The following THSD4 variants were observed in gnomAD, a reference collection of about 807,000 sequenced individuals.
The protein encoded by THSD4 is thrombospondin type-1 domain-containing protein 4.
THSD4 carries 69 observed loss-of-function variants against 119.0 expected under a neutral mutation model. The observed-to-expected ratio is 0.58, with a 90% confidence interval of 0.48 to 0.71. The LOEUF (loss-of-function observed/expected upper bound fraction) is 0.71. Ranked by LOEUF, THSD4 falls within the 30% of genes least tolerant of loss-of-function variation. The probability of loss-of-function intolerance (pLI) is 0.00; values close to 1 mark genes in which losing one functional copy is unlikely to be tolerated. For missense variants in THSD4, 1,393 were observed against 1,391.1 expected, an observed-to-expected ratio of 1.00 and a Z score of -0.02; for synonymous variants, 524 against 540.4, an observed-to-expected ratio of 0.97 and a Z score of 0.42.
At chr15:71,648,706 G>A (rs1175854232) in intron 7 of THSD4, among the ~76,000 whole-genome samples, 5 of 152,152 alleles carry the variant, frequency 3.3e-5, no homozygotes, top group Admixed American at 3.3e-4. Context: ...GGTTTTGGTG[G>A]ACAGTGCAAA....
chr15:71,435,737 C>T (rs1484604075), intron 7 of THSD4, among the ~76,000 whole-genome samples: 2 of 152,110 alleles, frequency 1.3e-5, no homozygotes, highest in East Asian at 1.9e-4. Context: ...CACATGGACA[C>T]GTGGCCACAT....
At chr15:71,597,798 C>T (rs2049932825) in intron 7 of THSD4, among the ~76,000 whole-genome samples, 1 of 152,216 alleles carries the variant, frequency 6.6e-6, no homozygotes, top group South Asian at 2.1e-4. Flanking sequence ...CCTTCTCGTC[C>T]CCAGGCGTGG....
intron 6 of THSD4, among the ~76,000 whole-genome samples, chr15:71,343,664 C>A (rs2045612235): frequency 6.6e-6 from 1 of 151,630 alleles, no homozygotes; most frequent in Non-Finnish European, 1.5e-5. Flanking sequence ...TATAAGGACA[C>A]CTGTCACTGG....
intron 1 of THSD4, among the ~76,000 whole-genome samples, chr15:71,122,756 A>G (rs667044): frequency 0.12 from 17,518 of 152,146 alleles, 1,911 homozygotes; most frequent in African/African-American, 0.29. Flanking sequence ...CCCACCCTCT[A>G]TCAGGGATCT....
chr15:71,527,774 A>T (rs987644594), intron 7 of THSD4, among the ~76,000 whole-genome samples: 1 of 127,372 alleles, frequency 7.9e-6, no homozygotes, highest in Admixed American at 1.0e-4. Flanking sequence ...GTGCAGTGGC[A>T]CAATCATGGC....
intron 7 of THSD4, among the ~76,000 whole-genome samples, chr15:71,552,721 A>G (rs1016270843): frequency 2.6e-5 from 4 of 152,222 alleles, no homozygotes; most frequent in Non-Finnish European, 5.9e-5. Flanking sequence ...ATCTCAGCTC[A>G]CTGAAACCTC....
chr15:71,667,540 G>T (rs1291761495), intron 8 of THSD4, among the ~76,000 whole-genome samples: 2 of 152,134 alleles, frequency 1.3e-5, no homozygotes, highest in Admixed American at 6.6e-5. Flanking sequence ...AAATAAACTG[G>T]CAGTATTCTT....
At chr15:71,591,515 C>T (rs2049804751) in intron 7 of THSD4, among the ~76,000 whole-genome samples, 1 of 152,226 alleles carries the variant, frequency 6.6e-6, no homozygotes, top group African/African-American at 2.4e-5. Context: ...AGCAGATCAT[C>T]CCCTGGGCTT....
At chr15:71,676,392 C>T (rs1481397870) in intron 8 of THSD4, among the ~76,000 whole-genome samples, 1 of 152,138 alleles carries the variant, frequency 6.6e-6, no homozygotes, top group Non-Finnish European at 1.5e-5. Flanking sequence ...AGCGATTCTC[C>T]TGCCTCAGCC....
At chr15:71,636,401 CAACAGAG>C (rs2050740753) in intron 7 of THSD4, among the ~76,000 whole-genome samples, 1 of 151,910 alleles carries the variant, frequency 6.6e-6, no homozygotes, top group Non-Finnish European at 1.5e-5. Context: ...CCAGCCTGGG[CAACAGAG>C]CCAGACTCTG....
At chr15:71,144,377 T>A in intron 2 of THSD4, among the ~76,000 whole-genome samples, 1 of 152,202 alleles carries the variant, frequency 6.6e-6, no homozygotes, top group African/African-American at 2.4e-5. Context: ...TGTGGGTTAC[T>A]TGAAGCGTGA....
chr15:71,270,213 A>G (rs1163390919), intron 6 of THSD4, among the ~76,000 whole-genome samples: 2 of 152,230 alleles, frequency 1.3e-5, no homozygotes, highest in Non-Finnish European at 2.9e-5. Context: ...CTACAAGGCT[A>G]CAGTAACCAA....
chr15:71,379,896 C>G (rs2046205784), intron 6 of THSD4, among the ~76,000 whole-genome samples: 1 of 151,818 alleles, frequency 6.6e-6, no homozygotes, highest in Non-Finnish European at 1.5e-5. Flanking sequence ...CCCTTGGAAC[C>G]AGAACAGGTT....
intron 4 of THSD4, among the ~76,000 whole-genome samples, chr15:71,235,008 T>A (rs2044092402): frequency 6.6e-6 from 1 of 152,252 alleles, no homozygotes; most frequent in African/African-American, 2.4e-5. Context: ...CCACCTAGTG[T>A]TGTTTTAATG....
chr15:71,408,327 G>A (rs921309534), intron 6 of THSD4, among the ~76,000 whole-genome samples: 1 of 152,024 alleles, frequency 6.6e-6, no homozygotes, highest in African/African-American at 2.4e-5. Flanking sequence ...CAAACTCCTG[G>A]GCTCAAAGGA....
chr15:71,400,826 C>CA (rs907238846), intron 6 of THSD4, among the ~76,000 whole-genome samples: 3 of 141,726 alleles, frequency 2.1e-5, no homozygotes, highest in Non-Finnish European at 4.6e-5. Context: ...GTATATTCCA[C>CA]AAAAAAAGAA....
At chr15:71,411,624 C>A in intron 6 of THSD4, 63 bp from the exon 7 acceptor site, 1 of 1,508,634 alleles carries the variant, frequency 6.6e-7, no homozygotes, top group Non-Finnish European at 9.0e-7. Context: ...GGTGCTGATT[C>A]CACAGAGATG....
intron 3 of THSD4, among the ~76,000 whole-genome samples, chr15:71,198,896 C>A (rs74923863): frequency 2.5e-3 from 378 of 152,342 alleles, no homozygotes; most frequent in African/African-American, 9.0e-3. Flanking sequence ...TCCTTTTCAT[C>A]CTACTTGGCC....
At chr15:71,143,638 A>T (rs2040626239) in intron 2 of THSD4, among the ~76,000 whole-genome samples, 1 of 151,658 alleles carries the variant, frequency 6.6e-6, no homozygotes, top group Admixed American at 6.6e-5. Flanking sequence ...CTTGGGAGGA[A>T]ATCCCTTTTG....
Sources: allele counts gnomAD v4.1 joint callset (sites outside exome capture counted in the v4.1 genomes callset), GRCh38; gene constraint gnomAD v4.1.1; transcripts MANE v1.5; gene names NCBI Gene and HGNC (gene_info 2026-07-23, HGNC 2026-07-21).